Variants in GPC5 observed in about 807,000 individuals in gnomAD.
GPC5 encodes the protein glypican-5.
A neutral mutation model predicts 53.9 loss-of-function variants in GPC5; 47 were observed. The ratio of observed to expected loss-of-function variants is 0.87; its 90% confidence interval spans 0.69 to 1.11. GPC5 has a LOEUF of 1.11. Ranked by LOEUF, GPC5 falls within the 50% of genes most tolerant of loss-of-function variation. GPC5 has a pLI of 0.00. For missense variants in GPC5, 748 were observed against 713.1 expected (o/e 1.05, Z -0.56); for synonymous variants, 286 against 263.3 (o/e 1.09, Z -0.84).
chr13:92,544,846 T>A (rs1204578214), intron 7 of GPC5, among the ~76,000 whole-genome samples: 2 of 152,074 alleles, frequency 1.3e-5, no homozygotes, highest in Non-Finnish European at 2.9e-5. Context: ...CATCTATTCC[T>A]TTTTTATGTG....
intron 2 of GPC5, among the ~76,000 whole-genome samples, chr13:91,669,480 T>G (rs1594405586): frequency 6.6e-6 from 1 of 152,322 alleles, no homozygotes; most frequent in East Asian, 1.9e-4. Flanking sequence ...GAATCAATAT[T>G]TCAACAGCTC....
chr13:92,238,699 C>T (rs978144142), intron 7 of GPC5, among the ~76,000 whole-genome samples: 1 of 151,796 alleles, frequency 6.6e-6, no homozygotes, highest in Non-Finnish European at 1.5e-5. Context: ...AATATTTTCT[C>T]CCTTTGTCTG....
chr13:91,581,106 C>G (rs552999194), intron 2 of GPC5, among the ~76,000 whole-genome samples: 3 of 152,322 alleles, frequency 2.0e-5, no homozygotes, highest in Non-Finnish European at 4.4e-5. Context: ...ATTCAATTAC[C>G]TCCCACCAGG....
chr13:92,065,512 A>C (rs375977082), intron 6 of GPC5, among the ~76,000 whole-genome samples: 2 of 152,292 alleles, frequency 1.3e-5, no homozygotes. Flanking sequence ...TGTGTAAATG[A>C]GTACTCTAAA....
In GPC5 at chr13:92,111,851, G is replaced by T. The variant is rs182303330; in HGVS notation, c.1402-32979G>T. Among the ~76,000 whole-genome samples the T allele has an allele frequency of 2.1e-3, 322 of 152,256 alleles. 3 individuals are homozygous for T. Among genetic ancestry groups the T allele is most frequent in the African/African-American group, 7.2e-3 (301 of 41,542 alleles). On this transcript the variant is annotated intron_variant, in intron 6 of 7. Coordinates refer to ENST00000377067, the MANE Select transcript of GPC5 (RefSeq NM_004466.6). ...GCCAACAAAATCCAAGAATACCTTT[G>T]TCATTAAAGGGAAAACTATTTTGAA... is the stretch of plus-strand genomic sequence containing the variant.
intron 6 of GPC5, among the ~76,000 whole-genome samples, chr13:92,063,472 T>C (rs1410886798): frequency 2.0e-5 from 3 of 152,038 alleles, no homozygotes; most frequent in African/African-American, 7.2e-5. Context: ...AAAATGAGAG[T>C]GAAACCTTCT....
At chr13:92,567,404 T>A (rs377152566) in intron 7 of GPC5, among the ~76,000 whole-genome samples, 5 of 152,198 alleles carry the variant, frequency 3.3e-5, no homozygotes, top group Admixed American at 6.5e-5. Context: ...AACAGAATAA[T>A]GCCTCCTCCC....
chr13:92,344,074 C>T, intron 7 of GPC5, among the ~76,000 whole-genome samples: 1 of 127,228 alleles, frequency 7.9e-6, no homozygotes, highest in East Asian at 2.4e-4. Context: ...GAAGAATTTC[C>T]TTCTAAGGTT....
chr13:92,806,192 C>T (rs552056860), intron 7 of GPC5, among the ~76,000 whole-genome samples: 5 of 152,230 alleles, frequency 3.3e-5, no homozygotes, highest in Middle Eastern at 3.4e-3. Context: ...TTTTATGTTA[C>T]GGAGATGGCT....
At chr13:92,462,088 G>A (rs537595272) in intron 7 of GPC5, among the ~76,000 whole-genome samples, 110 of 152,320 alleles carry the variant, frequency 7.2e-4, no homozygotes, top group Admixed American at 1.4e-3. Flanking sequence ...TTAGCTGTGT[G>A]TGGCCTTGCC....
At position 92,478,241 on chromosome 13, in the gene GPC5, C is replaced by G. The variant is rs878919563; in HGVS notation, c.1561+333252C>G. Among the ~76,000 whole-genome samples the G allele has an allele frequency of 3.3e-5, 5 of 152,182 alleles. 1 individual carries two copies. Among genetic ancestry groups the G allele is most frequent in the Admixed American group, 3.3e-4 (5 of 15,264 alleles). On this transcript the variant is annotated intron_variant, in intron 7 of 7. Transcript: ENST00000377067. ...AAAATATTATGTGGGAAATTCATTCCTTAATAGTTAATATAAGCCTTCAAA... is the reference window on the plus strand; with the variant it reads ...AAAATATTATGTGGGAAATTCATTCGTTAATAGTTAATATAAGCCTTCAAA...
chr13:92,107,991 A>G (rs936233079), intron 6 of GPC5, among the ~76,000 whole-genome samples: 1 of 152,106 alleles, frequency 6.6e-6, no homozygotes, highest in South Asian at 2.1e-4. Flanking sequence ...CTCTTAACCT[A>G]TTATATAATC....
intron 7 of GPC5, among the ~76,000 whole-genome samples, chr13:92,451,136 C>T (rs569243749): frequency 6.6e-5 from 10 of 152,296 alleles, no homozygotes; most frequent in African/African-American, 2.4e-4. Flanking sequence ...ATCCATCTCA[C>T]TGACCCAAGT....
intron 6 of GPC5, among the ~76,000 whole-genome samples, chr13:91,977,038 C>CAATA (rs138005450): frequency 0.016 from 2,249 of 141,780 alleles, 20 homozygotes; most frequent in Middle Eastern, 0.043. Context: ...GATTCTGTCT[C>CAATA]AATAAATAAA....
Position 91,568,217 on chromosome 13 carries a change from A to T in GPC5, c.325+119295A>T, listed in dbSNP as rs377164210. On this transcript the variant is annotated intron_variant, in intron 2 of 7. Transcript: ENST00000377067. Reference sequence around the variant, plus strand: ...TGAGAATGGACTAATGCAGATGCCTATTAATGCCTTGCTTCTCAAAGTGTG... The same window carrying T: ...TGAGAATGGACTAATGCAGATGCCTTTTAATGCCTTGCTTCTCAAAGTGTG... Among the ~76,000 whole-genome samples, 22 of 152,314 alleles carry T rather than the reference A, an allele frequency of 1.4e-4. No individual in the cohort carries two copies. The East Asian group carries it at 3.9e-3, about 27-fold the overall frequency.
Position 92,043,709 on chromosome 13 carries a change from C to T in GPC5, c.1402-101121C>T, listed in dbSNP as rs1009892895. 5.9e-5 allele frequency among the ~76,000 whole-genome samples: 9 copies of T among 152,102 alleles called. No individual in the cohort carries two copies. The South Asian group carries it at 8.3e-4, about 14-fold the overall frequency. On this transcript the variant is annotated intron_variant, in intron 6 of 7. Transcript: ENST00000377067. ...GTGACTAAGGTAGATATCATTAGAA[C>T]GGAATAATTTAGGGAGCTAAGAATA...
chr13:92,185,140 C>G (rs145712681), intron 7 of GPC5, among the ~76,000 whole-genome samples: 237 of 152,094 alleles, frequency 1.6e-3, no homozygotes, highest in African/African-American at 5.6e-3. Flanking sequence ...TCAGCTTGCT[C>G]CAGTAAAAGT....
chr13:92,412,282 C>T (rs1876079179), intron 7 of GPC5, among the ~76,000 whole-genome samples: 1 of 152,162 alleles, frequency 6.6e-6, no homozygotes, highest in Non-Finnish European at 1.5e-5. Context: ...GCTAGTCCAT[C>T]TTACACTAGT....
At chr13:91,737,249 A>G (rs923727757) in intron 4 of GPC5, among the ~76,000 whole-genome samples, 1 of 151,514 alleles carries the variant, frequency 6.6e-6, no homozygotes, top group African/African-American at 2.5e-5. Context: ...GGCATTTAGC[A>G]TGACTGATTC....
Sources: allele counts gnomAD v4.1 joint callset (sites outside exome capture counted in the v4.1 genomes callset), GRCh38; gene constraint gnomAD v4.1.1; transcripts MANE v1.5; gene names NCBI Gene and HGNC (gene_info 2026-07-23, HGNC 2026-07-21).